The following NHEJ1 variants were observed in gnomAD, a reference collection of about 807,000 sequenced individuals.
NHEJ1 encodes the protein non-homologous end joining factor 1.
In NHEJ1, 22 loss-of-function variants were observed where a neutral mutation model predicts 39.4. The observed-to-expected ratio is 0.56, with a 90% CI of 0.40 to 0.80. The LOEUF (loss-of-function observed/expected upper bound fraction) is 0.80, where lower values mean the gene tolerates loss of function less well. NHEJ1 is among the 30% of genes least tolerant of loss of function. The pLI is 0.00. For missense variants in NHEJ1, 329 were observed against 357.1 expected (o/e 0.92, Z 0.63); for synonymous variants, 154 against 135.6 (o/e 1.14, Z -0.94).
chr2:219,098,951 G>A (rs1183803272), intron 5 of NHEJ1, among the ~76,000 whole-genome samples: 1 of 152,150 alleles, frequency 6.6e-6, no homozygotes, highest in Non-Finnish European at 1.5e-5. Flanking sequence ...GCAAGGGAGT[G>A]ATTACAATTG....
chr2:219,080,691 T>TAA (rs1559185991), intron 5 of NHEJ1, among the ~76,000 whole-genome samples: 2 of 65,424 alleles, frequency 3.1e-5, no homozygotes, highest in Non-Finnish European at 5.1e-5. Context: ...ATATATATGC[T>TAA]TATATATATA....
chr2:219,141,080 C>A (rs1949686476), intron 5 of NHEJ1, among the ~76,000 whole-genome samples: 2 of 151,910 alleles, frequency 1.3e-5, no homozygotes, highest in African/African-American at 4.8e-5. Flanking sequence ...CATGGTCAAG[C>A]CAAAAAAGGG....
At chr2:219,077,010 G>T (rs1949020015) in intron 7 of NHEJ1, among the ~76,000 whole-genome samples, 1 of 152,204 alleles carries the variant, frequency 6.6e-6, no homozygotes, top group East Asian at 1.9e-4. Context: ...GTGGGATAAG[G>T]TGAAAGAGGA....
intron 5 of NHEJ1, among the ~76,000 whole-genome samples, chr2:219,117,558 GT>G (rs1436620362): frequency 1.3e-5 from 2 of 152,234 alleles, no homozygotes; most frequent in African/African-American, 2.4e-5. Flanking sequence ...CAGGTGTCAG[GT>G]TCAGAGAACC....
rs968658454 is a variant in NHEJ1 at position 219,111,049 on chromosome 2, A to C, written c.589-32843T>G. Among the ~76,000 whole-genome samples, 1 of 152,244 alleles carries C rather than the reference A, an allele frequency of 6.6e-6. No individual in the cohort carries two copies. ...ATTTCTCTTTACTGAAACAGCTCAAAGTTCCTTTAAATAAAACATCACCCA... is the reference window on the plus strand; with the variant it reads ...ATTTCTCTTTACTGAAACAGCTCAACGTTCCTTTAAATAAAACATCACCCA... On this transcript the variant is annotated intron_variant, in intron 5 of 7. Transcript: ENST00000356853. The surrounding 1 kb of genome is among the most constrained non-coding windows in gnomAD (Gnocchi z 4.1).
intron 6 of NHEJ1, 70 bp from the exon 7 acceptor site, chr2:219,077,434 A>G (rs997848792): frequency 8.3e-7 from 1 of 1,204,058 alleles, no homozygotes; most frequent in East Asian, 2.3e-5. Context: ...ATTAGCATTC[A>G]CCAAGCATTC....
chr2:219,126,630 T>A (rs577377033), intron 5 of NHEJ1, among the ~76,000 whole-genome samples: 4 of 152,354 alleles, frequency 2.6e-5, no homozygotes, highest in African/African-American at 9.6e-5. Flanking sequence ...CAAGACATCA[T>A]ATCCCTGCCC....
At chr2:219,139,739 C>T (rs1334366031) in intron 5 of NHEJ1, among the ~76,000 whole-genome samples, 2 of 152,082 alleles carry the variant, frequency 1.3e-5, no homozygotes, top group South Asian at 2.1e-4. Flanking sequence ...TGCAGTGGCA[C>T]GATCTCGGCT....
At chr2:219,133,196 T>C (rs1401877848) in intron 5 of NHEJ1, among the ~76,000 whole-genome samples, 1 of 152,234 alleles carries the variant, frequency 6.6e-6, no homozygotes, top group Non-Finnish European at 1.5e-5. Flanking sequence ...TCAGCCTTTA[T>C]AGATCTCTCA....
chr2:219,130,170 G>T (rs1012147080), intron 5 of NHEJ1, among the ~76,000 whole-genome samples: 3 of 151,668 alleles, frequency 2.0e-5, no homozygotes, highest in African/African-American at 7.3e-5. Flanking sequence ...ATGAAAGGGG[G>T]TATAGAAAAA....
rs973271857 is a variant in NHEJ1, at chr2:219,134,349, C to T, written c.588+12331G>A. On this transcript the variant is annotated intron_variant, in intron 5 of 7. Coordinates refer to ENST00000356853, the MANE Select transcript of NHEJ1 (RefSeq NM_024782.3). ...TTCTTTATCTTTCAAATGAAGATAT[C>T]ACCTAGCTCATAGGTTTGTTGTAAG... 2.6e-5 allele frequency among the ~76,000 whole-genome samples: 4 copies of T among 152,336 alleles called. No individual in the cohort carries two copies. In the South Asian group the frequency reaches 6.2e-4, roughly 24 times the overall value.
At chr2:219,160,137 G>GT (rs1559206655) in intron 1 of NHEJ1, among the ~76,000 whole-genome samples, 1 of 152,194 alleles carries the variant, frequency 6.6e-6, no homozygotes, top group East Asian at 1.9e-4. Context: ...TTTCTCTTGA[G>GT]TGGAGGGGCG....
chr2:219,119,427 A>G lies in NHEJ1; in HGVS notation c.588+27253T>C, dbSNP rs1033073332. Among the ~76,000 whole-genome samples, 14 of 152,264 alleles carry G rather than the reference A, an allele frequency of 9.2e-5. No homozygotes were observed. In the East Asian group the frequency reaches 1.7e-3, roughly 19 times the overall value. ...CCCCATCAACCTTCCTGTCAAATCA[A>G]GACGTTAAGGGTAGAGATTCCAGTG... On this transcript the variant is annotated intron_variant, in intron 5 of 7. Transcript: ENST00000356853.
intron 5 of NHEJ1, among the ~76,000 whole-genome samples, chr2:219,143,121 C>T (rs1949706974): frequency 6.6e-6 from 1 of 152,162 alleles, no homozygotes; most frequent in South Asian, 2.1e-4. Flanking sequence ...CCGCATGGCC[C>T]TCTGACACCA....
chr2:219,076,895 G>A (rs56130031), intron 7 of NHEJ1, among the ~76,000 whole-genome samples: 1 of 152,168 alleles, frequency 6.6e-6, no homozygotes, highest in South Asian at 2.1e-4. Flanking sequence ...GTCTATGTCA[G>A]ACAGCAAATG....
chr2:219,127,791 T>C (rs914691634), intron 5 of NHEJ1, among the ~76,000 whole-genome samples: 1 of 152,254 alleles, frequency 6.6e-6, no homozygotes, highest in African/African-American at 2.4e-5. Flanking sequence ...TATCTCCTCT[T>C]AAACTGCAGT....
intron 3 of NHEJ1, among the ~76,000 whole-genome samples, chr2:219,156,305 T>C (rs143463107): frequency 4.5e-4 from 69 of 152,250 alleles, no homozygotes; most frequent in Non-Finnish European, 9.0e-4. Context: ...TCTCAAGAAG[T>C]CTTTCTATCC....
intron 5 of NHEJ1, among the ~76,000 whole-genome samples, chr2:219,106,415 T>C (rs1949314289): frequency 6.6e-6 from 1 of 151,812 alleles, no homozygotes; most frequent in Non-Finnish European, 1.5e-5. Flanking sequence ...ACTGGGAGAG[T>C]GTAAACACCC....
chr2:219,098,156 T>A (rs1195212653), intron 5 of NHEJ1, among the ~76,000 whole-genome samples: 1 of 151,904 alleles, frequency 6.6e-6, no homozygotes, highest in African/African-American at 2.4e-5. Context: ...TTCAATGGAG[T>A]GATGGGACCC....
Sources: gnomAD v4.1 joint callset for allele counts (sites outside exome capture counted in the v4.1 genomes callset) on GRCh38, gnomAD v4.1.1 for gene constraint, Gnocchi (gnomAD v3.1) non-coding constraint, MANE v1.5 for transcripts, NCBI Gene and HGNC (gene_info 2026-07-23, HGNC 2026-07-21) for gene names.